The following CACNA1B variants were observed in gnomAD, a reference collection of about 807,000 sequenced individuals.
CACNA1B encodes the protein voltage-dependent N-type calcium channel subunit alpha-1B.
CACNA1B carries 70 observed loss-of-function variants against 247.2 expected under a neutral mutation model. The ratio of observed to expected loss-of-function variants is 0.28; its 90% CI spans 0.23 to 0.35. The LOEUF (loss-of-function observed/expected upper bound fraction) is 0.35, where lower values mean the gene tolerates loss of function less well. Ranked by LOEUF, CACNA1B falls within the 10% of genes least tolerant of loss-of-function variation. CACNA1B has a pLI of 1.00. For synonymous variants in CACNA1B, 1,231 were observed against 1,294.4 expected, an observed-to-expected ratio of 0.95 and a Z score of 1.05; for missense variants, 2,367 against 3,197.4, an observed-to-expected ratio of 0.74 and a Z score of 6.26.
At position 138,120,727 on chromosome 9, in the gene CACNA1B, A is replaced by G. The variant is rs1962059593; in HGVS notation, c.6335A>G (p.Gln2112Arg). Residue 2112 changes from glutamine (Q) to arginine (R), a missense_variant, in exon 46 of 47, where the codon CAG becomes CGG. Coordinates refer to ENST00000371372, the MANE Select transcript of CACNA1B (RefSeq NM_000718.4). ...RERRQERGRS[Q>R]ERRQPSSSSS... ...CGCCGGCAGGAGCGGGGCCGGTCCC[A>G]GGAGCGGAGGCAGCCCTCATCCTCC... 2 of 1,537,188 alleles carry G rather than the reference A, an allele frequency of 1.3e-6. No individual in the cohort carries two copies. The highest frequency in any genetic ancestry group is 1.7e-6 in the Non-Finnish European group (2 of 1,143,890).
intron 21 of CACNA1B, among the ~76,000 whole-genome samples, chr9:138,045,988 G>A (rs1396060391): frequency 2.0e-5 from 3 of 152,126 alleles, no homozygotes; most frequent in East Asian, 3.9e-4. Flanking sequence ...CACAGCCCTC[G>A]TGATGGGGGC....
intron 3 of CACNA1B, among the ~76,000 whole-genome samples, chr9:137,894,302 ATTTTTTTTTTT>A (rs56794355): frequency 4.2e-5 from 4 of 96,074 alleles, no homozygotes; most frequent in South Asian, 6.6e-4. Flanking sequence ...TTGTCTCTGT[ATTTTTTTTTTT>A]TTTTTTTTTT....
intron 41 of CACNA1B, among the ~76,000 whole-genome samples, chr9:138,115,172 A>T (rs1228659010): frequency 6.6e-6 from 1 of 151,886 alleles, no homozygotes; most frequent in Non-Finnish European, 1.5e-5. Context: ...CCCAACCCTA[A>T]CCCTAACTCC....
intron 15 of CACNA1B, among the ~76,000 whole-genome samples, chr9:138,000,175 T>C (rs1346605992): frequency 6.6e-6 from 1 of 151,396 alleles, no homozygotes; most frequent in South Asian, 2.1e-4. Flanking sequence ...CTCGGCTCAC[T>C]GCAAGCTCCG....
At chr9:138,035,216 T>C (rs1027530863) in intron 20 of CACNA1B, among the ~76,000 whole-genome samples, 6 of 152,254 alleles carry the variant, frequency 3.9e-5, no homozygotes, top group Non-Finnish European at 7.3e-5. Context: ...CCCAGCACTT[T>C]GGGAGGCCAA....
rs748352783 is a variant in CACNA1B at position 137,914,715 on chromosome 9, G to T, written c.684G>T (p.Leu228=). The T allele has an allele frequency of 2.5e-6, 4 of 1,613,870 alleles. No individual in the cohort carries two copies. Among genetic ancestry groups the T allele is most frequent in the Non-Finnish European group, 3.4e-6 (4 of 1,179,876 alleles). ...TGGTTCCACTCCTGCAGATTGGGCTGCTTCTCTTCTTTGCCATCCTCATGT... is the reference window on the plus strand; with the variant it reads ...TGGTTCCACTCCTGCAGATTGGGCTTCTTCTCTTCTTTGCCATCCTCATGT... ...KAMVPLLQIG[L]LLFFAILMFA... Residue 228 remains leucine (L), a synonymous_variant, in exon 5 of 47, where the codon CTG becomes CTT. Coordinates refer to ENST00000371372, the MANE Select transcript of CACNA1B (RefSeq NM_000718.4). This position sits in a 1 kb window ranked among gnomAD's most constrained non-coding sequence, Gnocchi z 4.3.
chr9:137,967,160 A>C (rs1404235698), intron 10 of CACNA1B, among the ~76,000 whole-genome samples: 2 of 152,038 alleles, frequency 1.3e-5, no homozygotes, highest in African/African-American at 4.8e-5. Flanking sequence ...TGTTCCACAA[A>C]AGGTTGCCTT....
intron 20 of CACNA1B, among the ~76,000 whole-genome samples, chr9:138,042,776 CT>C (rs1436907749): frequency 6.6e-6 from 1 of 152,152 alleles, no homozygotes; most frequent in Non-Finnish European, 1.5e-5. Context: ...CACCTCGAAG[CT>C]TTTTTTCTCT....
At position 137,919,307 on chromosome 9, in the gene CACNA1B, G is replaced by T. The variant is rs1194858257; in HGVS notation, c.966+1876G>T. Among the ~76,000 whole-genome samples the T allele has an allele frequency of 6.6e-6, 1 of 152,260 alleles. No homozygotes were observed. The highest frequency in any genetic ancestry group is 1.5e-5 in the Non-Finnish European group (1 of 68,042). Reference sequence around the variant, plus strand: ...CATGGACAGTGGCGAGTGCCGTGAAGAAAACAGAAGAGGTTGAGGAGCAGG... The same window carrying T: ...CATGGACAGTGGCGAGTGCCGTGAATAAAACAGAAGAGGTTGAGGAGCAGG... On this transcript the variant is annotated intron_variant, in intron 6 of 46. Coordinates refer to ENST00000371372, the MANE Select transcript of CACNA1B (RefSeq NM_000718.4). The surrounding 1 kb of genome is among the most constrained non-coding windows in gnomAD (Gnocchi z 4.6).
intron 3 of CACNA1B, among the ~76,000 whole-genome samples, chr9:137,905,152 A>C (rs1397621836): frequency 1.3e-4 from 20 of 152,104 alleles, no homozygotes; most frequent in Admixed American, 1.2e-3. Context: ...CAGGAGTTTG[A>C]AACCAGCCTA....
In CACNA1B at chr9:138,059,582, C is replaced by T; in HGVS notation, c.4585-72C>T. On this transcript the variant is annotated intron_variant, in intron 30 of 46. Transcript: ENST00000371372. This position sits in a 1 kb window ranked among gnomAD's most constrained non-coding sequence, Gnocchi z 4.2. ...TCACCGCTTTCTTAATCAGGGCCAC[C>T]ACCTATATATACCTCTTTGCCAACA... 1 of 891,368 alleles carries T rather than the reference C, an allele frequency of 1.1e-6. No homozygotes were observed. The highest frequency in any genetic ancestry group is 1.4e-5 in the South Asian group (1 of 73,198). The allele number at this position is 891,368 out of a possible 1,614,324, so 55.2% of individuals were successfully genotyped here.
intron 44 of CACNA1B, among the ~76,000 whole-genome samples, chr9:138,119,321 G>C (rs763511374): frequency 2.0e-5 from 3 of 152,108 alleles, no homozygotes; most frequent in Admixed American, 2.0e-4. Context: ...TTTCCCGGGG[G>C]AGGCTCCTTC....
At position 138,023,753 on chromosome 9, in the gene CACNA1B, A is replaced by G. The variant is rs759021546; in HGVS notation, c.3010A>G (p.Lys1004Glu). ...GACCACGGAGAAGGAGGCCACGGAG[A>G]AGGAGGCTGAGATAGTGGAAGCCGA... ...KETTEKEATE[K>E]EAEIVEADKE... Residue 1004 changes from lysine (K) to glutamate (E), a missense_variant, in exon 19 of 47, where the codon AAG becomes GAG. Around this residue, in one of 12 missense-constraint regions of CACNA1B, gnomAD observed 631 missense variants for 631.1 expected, o/e 1.00. Transcript: ENST00000371372. 4.2e-6 allele frequency: 6 copies of G among 1,412,904 alleles called. No homozygotes were observed. The South Asian group carries it at 7.5e-5, about 18-fold the overall frequency. The allele number at this position is 1,412,904 out of a possible 1,614,324, so 87.5% of individuals were successfully genotyped here. A position where few individuals can be genotyped will look rare whatever the true frequency, so the allele number is the denominator to read the frequency against.
chr9:137,895,928 C>T (rs1381252547), intron 3 of CACNA1B, among the ~76,000 whole-genome samples: 1 of 152,158 alleles, frequency 6.6e-6, no homozygotes, highest in Admixed American at 6.6e-5. Context: ...GGAAAACATT[C>T]TGACTTTAAC....
chr9:138,120,421 T>C, intron 45 of CACNA1B, 49 bp downstream of exon 45: 1 of 1,499,318 alleles, frequency 6.7e-7, no homozygotes, highest in Non-Finnish European at 8.9e-7. Flanking sequence ...ATGGCCCGAG[T>C]CAGGGGGTCC....
Position 137,899,095 on chromosome 9 carries a change from T to G in CACNA1B, c.531-14085T>G, listed in dbSNP as rs986447135. ...CCTTCTTTTTTCTCTCTTTCTTTCT[T>G]TTTTTTTTGTCAGTTGGAGTCTCTC... On this transcript the variant is annotated intron_variant, in intron 3 of 46. Coordinates refer to ENST00000371372, the MANE Select transcript of CACNA1B (RefSeq NM_000718.4). This position sits in a 1 kb window ranked among gnomAD's most constrained non-coding sequence, Gnocchi z 5.0. Among the ~76,000 whole-genome samples, 1 of 149,862 alleles carries G rather than the reference T, an allele frequency of 6.7e-6. No homozygotes were observed. Among genetic ancestry groups the G allele is most frequent in the African/African-American group, 2.4e-5 (1 of 40,824 alleles).
intron 3 of CACNA1B, among the ~76,000 whole-genome samples, chr9:137,903,525 C>T (rs1407794790): frequency 6.6e-6 from 1 of 152,182 alleles, no homozygotes; most frequent in East Asian, 1.9e-4. Context: ...TGAAGCCAGT[C>T]CCGTTCTCCT....
intron 10 of CACNA1B, among the ~76,000 whole-genome samples, chr9:137,970,767 G>T (rs1269323437): frequency 1.3e-5 from 2 of 152,206 alleles, no homozygotes; most frequent in East Asian, 1.9e-4. Flanking sequence ...ATGGGAAAAG[G>T]CTGCTGGGTT....
intron 36 of CACNA1B, among the ~76,000 whole-genome samples, chr9:138,080,147 A>C (rs575235273): frequency 6.6e-6 from 1 of 152,302 alleles, no homozygotes; most frequent in African/African-American, 2.4e-5. Context: ...CCTCAGTACA[A>C]GGGTAGAAAA....
Sources: allele counts gnomAD v4.1 joint callset (sites outside exome capture counted in the v4.1 genomes callset), GRCh38; gene constraint gnomAD v4.1.1; regional missense constraint gnomAD v4.1.1; non-coding constraint Gnocchi (gnomAD v3.1); transcripts MANE v1.5; gene names NCBI Gene and HGNC (gene_info 2026-07-23, HGNC 2026-07-21).